CR2: variants seen among roughly 807,000 people sequenced by gnomAD.
CR2 encodes complement C3d receptor 2.
CR2 carries 96 observed loss-of-function variants against 123.0 expected under a neutral mutation model. The ratio of observed to expected loss-of-function variants is 0.78; its 90% confidence interval spans 0.66 to 0.93. CR2 has a LOEUF of 0.93. Among genes scored for constraint, CR2 ranks in the 40% least tolerant of loss-of-function variants. The pLI is 0.00. For synonymous variants in CR2, 484 were observed against 469.5 expected, an observed-to-expected ratio of 1.03 and a Z score of -0.40; for missense variants, 1,258 against 1,361.0, an observed-to-expected ratio of 0.92 and a Z score of 1.19.
intron 1 of CR2, among the ~76,000 whole-genome samples, chr1:207,463,429 A>G (rs1381351384): frequency 1.3e-5 from 2 of 152,164 alleles, no homozygotes; most frequent in Non-Finnish European, 2.9e-5. Context: ...GATCCCTAGA[A>G]GAGAAGGAAG....
chr1:207,458,228 C>T (rs1451121982), intron 1 of CR2, among the ~76,000 whole-genome samples: 1 of 151,912 alleles, frequency 6.6e-6, no homozygotes, highest in Admixed American at 6.5e-5. Flanking sequence ...AAAATCTTGC[C>T]AATTCTATTT....
At chr1:207,465,176 T>C (rs1187099004) in intron 1 of CR2, among the ~76,000 whole-genome samples, 1 of 152,098 alleles carries the variant, frequency 6.6e-6, no homozygotes, top group Non-Finnish European at 1.5e-5. Flanking sequence ...GTGATCCACC[T>C]GCCTCAGCCT....
Position 207,468,704 on chromosome 1 carries a change from C to G in CR2, c.623C>G (p.Pro208Arg). 3 of 1,613,982 alleles carry G rather than the reference C, an allele frequency of 1.9e-6. No individual in the cohort carries two copies. The highest frequency in any genetic ancestry group is 2.5e-6 in the Non-Finnish European group (3 of 1,179,934). ...LSSGKWSAVP[P>R]TCEEARCKSL... ...TCGGGAAAATGGAGTGCTGTCCCCC[C>G]CACATGTGAAGGTACCCTAAATTTA... Residue 208 changes from proline to arginine, a missense_variant, in exon 3 of 20, where the codon CCC becomes CGC. By Grantham distance (103) the Pro-to-Arg change is moderately radical (BLOSUM62 -2). Transcript: ENST00000367057.
At position 207,469,688 on chromosome 1, in the gene CR2, C is replaced by A. The variant is rs1558190686; in HGVS notation, c.818-7C>A. The A allele has an allele frequency of 3.1e-6, 5 of 1,613,040 alleles. No individual in the cohort carries two copies. The highest frequency in any genetic ancestry group is 1.7e-6 in the Non-Finnish European group (2 of 1,179,208). ...GATCTTGTCATTTCTTTCTGCAATTCCCCTAGAAATTTTTTGCCCATCACC... is the reference window on the plus strand; with the variant it reads ...GATCTTGTCATTTCTTTCTGCAATTACCCTAGAAATTTTTTGCCCATCACC... On this transcript the variant is annotated splice_region_variant and splice_polypyrimidine_tract_variant and intron_variant, in intron 5 of 19. Transcript: ENST00000367057.
intron 9 of CR2, 47 bp from the exon 10 acceptor site, chr1:207,472,725 T>C (rs1184643586): frequency 6.3e-7 from 1 of 1,587,550 alleles, no homozygotes; most frequent in Non-Finnish European, 8.6e-7. Flanking sequence ...TGTTCTTTGG[T>C]GTCTAATACA....
In CR2 at chr1:207,477,900, CACCAGCAG is replaced by C. The variant is rs1381297928; in HGVS notation, c.2920_2927del (p.Pro974TyrfsTer25). ...TTAATTTCAGAGGTAAACTGTAGCT[CACCAGCAG>C]ATATGGATGGAATCCAGAAAGGGCT... On this transcript the variant is annotated frameshift_variant, in exon 16 of 20. Transcript: ENST00000367057. LOFTEE classifies it high-confidence loss of function. The C allele has an allele frequency of 1.2e-6, 2 of 1,613,820 alleles. No homozygotes were observed. The highest frequency in any genetic ancestry group is 8.5e-7 in the Non-Finnish European group (1 of 1,179,916).
In CR2 at chr1:207,468,787, GT is replaced by G. The variant is rs778177265; in HGVS notation, c.635-10del. ...ATTTGCCATGCATTTCTCATCTTTG[GT>G]TTGTTTTTTAGAGGCACGCTGTAAA... On this transcript the variant is annotated splice_polypyrimidine_tract_variant and intron_variant, in intron 3 of 19. Transcript: ENST00000367057. 1.2e-6 allele frequency: 2 copies of G among 1,613,942 alleles called. No individual in the cohort carries two copies. The highest frequency in any genetic ancestry group is 2.2e-5 in the South Asian group (2 of 91,082).
rs1164531077 is a variant in CR2 at position 207,454,634 on chromosome 1, G to A, written c.58+158G>A. The A allele has an allele frequency of 6.6e-6, 4 of 609,916 alleles. No homozygotes were observed. Among genetic ancestry groups the A allele is most frequent in the Non-Finnish European group, 1.1e-5 (4 of 357,618 alleles). 37.8% of individuals were successfully genotyped at this position (609,916 alleles called of 1,614,324 possible). The stretch of plus-strand genomic sequence containing the variant: ...CTTTGAGGGACCACTGCAATAAACC[G>A]CCTGGTCCTGATTGTCCCCACTGGC... On this transcript the variant is annotated intron_variant, in intron 1 of 19. Transcript: ENST00000367057. This position sits in a 1 kb window ranked among gnomAD's most constrained non-coding sequence, Gnocchi z 4.3.
chr1:207,468,819 A>T lies in CR2; in HGVS notation c.654A>T (p.Leu218=). 2.5e-6 allele frequency: 4 copies of T among 1,614,008 alleles called. No individual in the cohort carries two copies. Among genetic ancestry groups the T allele is most frequent in the Non-Finnish European group, 3.4e-6 (4 of 1,179,928 alleles). ...PTCEEARCKS[L]GRFPNGKVKE... is the part of the protein sequence containing the mutation. ...TTTTAGAGGCACGCTGTAAATCTCTAGGACGATTTCCCAATGGGAAGGTAA... is the reference window on the plus strand; with the variant it reads ...TTTTAGAGGCACGCTGTAAATCTCTTGGACGATTTCCCAATGGGAAGGTAA... Residue 218 remains leucine, a synonymous_variant, in exon 4 of 20, where the codon CTA becomes CTT. Coordinates refer to ENST00000367057, the MANE Select transcript of CR2 (RefSeq NM_001006658.3).
In CR2 at chr1:207,471,496, A is replaced by G. The variant is rs1658279438; in HGVS notation, c.1567A>G (p.Lys523Glu). ...TTGGTTTATGGAGATTCGTCTTTGT[A>G]AAGGTGAGTAGCAAAAATGATATAG... ...IPWFMEIRLC[K>E]EITCPPPPVI... Residue 523 changes from lysine (K) to glutamate (E), a missense_variant, in exon 9 of 20, where the codon AAA becomes GAA. Transcript: ENST00000367057. 2.5e-6 allele frequency: 4 copies of G among 1,602,770 alleles called. No individual in the cohort carries two copies. The Middle Eastern group carries it at 6.6e-4, about 265-fold the overall frequency.
intron 18 of CR2, among the ~76,000 whole-genome samples, chr1:207,482,946 GA>G (rs1658644219): frequency 6.7e-6 from 1 of 148,182 alleles, no homozygotes; most frequent in African/African-American, 2.5e-5. Context: ...TTTAGGTGGA[GA>G]CATGCCATTA....
In CR2 at chr1:207,471,063, A is replaced by G. The variant is rs1486361640; in HGVS notation, c.1469A>G (p.Asp490Gly). 4 of 1,613,650 alleles carry G rather than the reference A, an allele frequency of 2.5e-6. No individual in the cohort carries two copies. The East Asian group carries it at 8.9e-5, about 36-fold the overall frequency. ...TKPQHQFVRP[D>G]VNSSCGEGYK... The stretch of plus-strand genomic sequence containing the variant: ...CCCCAGCACCAATTTGTTAGACCAG[A>G]TGTCAACTCTTCTTGTGGTGAAGGG... Residue 490 changes from aspartate to glycine, a missense_variant, in exon 8 of 20, where the codon GAT (aspartate) becomes GGT (glycine). Transcript: ENST00000367057.
chr1:207,487,146 T>C (rs1658771972), intron 19 of CR2, among the ~76,000 whole-genome samples: 1 of 152,218 alleles, frequency 6.6e-6, no homozygotes, highest in South Asian at 2.1e-4. Flanking sequence ...GAGCAGCCTC[T>C]GATACTATCC....
At position 207,473,704 on chromosome 1, in the gene CR2, C is replaced by T; in HGVS notation, c.2138C>T (p.Ser713Phe). The change falls in exon 11 of 20, where the codon TCT becomes TTT. Residue 713 changes from serine (S) to phenylalanine (F), a missense_variant. Ser to Phe is a radical substitution (Grantham distance 155). Coordinates refer to ENST00000367057, the MANE Select transcript of CR2 (RefSeq NM_001006658.3). ...ATGCCTTCAGGAAATTGGAGTCCTT[C>T]TGCCCCACGGTGTGAAGGTACTTTA... ...HCMPSGNWSP[S>F]APRCEETCQH... 3.1e-6 allele frequency: 5 copies of T among 1,614,032 alleles called. No individual in the cohort carries two copies. Among genetic ancestry groups the T allele is most frequent in the Non-Finnish European group, 4.2e-6 (5 of 1,179,896 alleles).
intron 12 of CR2, 139 bp from the exon 13 acceptor site, chr1:207,474,102 G>C: frequency 1.1e-6 from 1 of 888,778 alleles, no homozygotes; most frequent in Non-Finnish European, 1.8e-6. Flanking sequence ...TTTTTTACTT[G>C]GAGTAAAAAA....
At chr1:207,457,019 A>G (rs1252742778) in intron 1 of CR2, among the ~76,000 whole-genome samples, 3 of 152,242 alleles carry the variant, frequency 2.0e-5, no homozygotes, top group African/African-American at 4.8e-5. Flanking sequence ...TGTCTGAAGT[A>G]TCCATATTCC....
At chr1:207,481,429 C>T (rs768054782) in intron 18 of CR2, among the ~76,000 whole-genome samples, 1 of 152,020 alleles carries the variant, frequency 6.6e-6, no homozygotes, top group African/African-American at 2.4e-5. Context: ...TGAGCCAGAG[C>T]TACTCTATTA....
At chr1:207,479,388 T>A (rs1179467481) in intron 17 of CR2, 108 bp downstream of exon 17, 4 of 787,778 alleles carry the variant, frequency 5.1e-6, no homozygotes, top group Non-Finnish European at 6.3e-6. Context: ...TCATAGGGAA[T>A]GTTCTCTTTT....
At chr1:207,485,599 A>G in intron 19 of CR2, 27 bp downstream of exon 19, 1 of 1,305,802 alleles carries the variant, frequency 7.7e-7, no homozygotes, top group Non-Finnish European at 1.1e-6. Flanking sequence ...AATATTATTA[A>G]TTTACATATA....
Sources: allele counts gnomAD v4.1 joint callset (sites outside exome capture counted in the v4.1 genomes callset), GRCh38; gene constraint gnomAD v4.1.1; non-coding constraint Gnocchi (gnomAD v3.1); transcripts MANE v1.5; gene names NCBI Gene and HGNC (gene_info 2026-07-23, HGNC 2026-07-21).